Variants in MCC observed in about 807,000 individuals in gnomAD.
MCC encodes the protein colorectal mutant cancer protein.
A neutral mutation model predicts 116.2 loss-of-function variants in MCC; 90 were observed. The ratio of observed to expected loss-of-function variants is 0.77; its 90% CI spans 0.65 to 0.92. The LOEUF (loss-of-function observed/expected upper bound fraction) is 0.92, where lower values mean the gene tolerates loss of function less well. MCC is among the 40% of genes least tolerant of loss of function. The pLI, the probability that MCC is intolerant of heterozygous loss-of-function variation, is 0.00. For missense variants in MCC, 1,516 were observed against 1,312.2 expected (o/e 1.16, Z -2.40); for synonymous variants, 578 against 510.5 (o/e 1.13, Z -1.78).
chr5:113,056,000 A>G (rs866212958), intron 14 of MCC, among the ~76,000 whole-genome samples: 10 of 152,196 alleles, frequency 6.6e-5, no homozygotes, highest in South Asian at 6.2e-4. Context: ...TGCCAGCTCC[A>G]TTATCAAATG....
chr5:113,145,284 G>C (rs1759429482), intron 4 of MCC, among the ~76,000 whole-genome samples: 1 of 152,134 alleles, frequency 6.6e-6, no homozygotes, highest in Non-Finnish European at 1.5e-5. Flanking sequence ...CCAGATCTTA[G>C]TGTGACTGTA....
chr5:113,086,457 C>T (rs142577657), intron 8 of MCC, among the ~76,000 whole-genome samples: 4 of 152,260 alleles, frequency 2.6e-5, no homozygotes, highest in African/African-American at 9.6e-5. Flanking sequence ...CCCAAGTTAC[C>T]TACAGATGAG....
At chr5:113,439,166 G>A (rs1770954169) in intron 1 of MCC, among the ~76,000 whole-genome samples, 1 of 152,236 alleles carries the variant, frequency 6.6e-6, no homozygotes, top group Admixed American at 6.5e-5. Context: ...TTTGGAAAAG[G>A]TATAAGGAGC....
chr5:113,086,780 G>A (rs901294331), intron 8 of MCC, among the ~76,000 whole-genome samples: 40 of 149,570 alleles, frequency 2.7e-4, no homozygotes, highest in Non-Finnish European at 7.4e-5. Flanking sequence ...AGACTTTGTC[G>A]GGCTGGGAAG....
intron 3 of MCC, among the ~76,000 whole-genome samples, chr5:113,264,076 A>G (rs984449924): frequency 6.6e-6 from 1 of 152,228 alleles, no homozygotes; most frequent in Non-Finnish European, 1.5e-5. Context: ...TTTAGAAACA[A>G]AAATTAAGTG....
intron 2 of MCC, among the ~76,000 whole-genome samples, chr5:113,371,044 C>T (rs566492597): frequency 1.3e-5 from 2 of 152,088 alleles, no homozygotes; most frequent in South Asian, 2.1e-4. Context: ...ATGATGAAAC[C>T]CCATCTCTAC....
chr5:113,371,607 G>C (rs1355896324), intron 2 of MCC, among the ~76,000 whole-genome samples: 1 of 152,144 alleles, frequency 6.6e-6, no homozygotes, highest in African/African-American at 2.4e-5. Context: ...TCAACTAGGA[G>C]AAAAATGTTT....
intron 1 of MCC, among the ~76,000 whole-genome samples, chr5:113,450,738 C>T (rs1479682575): frequency 1.3e-5 from 2 of 152,164 alleles, no homozygotes; most frequent in African/African-American, 4.8e-5. Context: ...CATGTACCTA[C>T]GTGCTGAGAA....
chr5:113,094,467 C>G (rs563048574), intron 8 of MCC, among the ~76,000 whole-genome samples: 2 of 149,246 alleles, frequency 1.3e-5, no homozygotes, highest in East Asian at 3.9e-4. Context: ...GTTGCCTAGG[C>G]TGGTGTGCAG....
At chr5:113,099,566 G>A (rs981495166) in intron 8 of MCC, among the ~76,000 whole-genome samples, 1 of 152,226 alleles carries the variant, frequency 6.6e-6, no homozygotes, top group Non-Finnish European at 1.5e-5. Context: ...TGCTTTGGGT[G>A]CTATTATTGT....
intron 1 of MCC, among the ~76,000 whole-genome samples, chr5:113,390,410 T>C (rs962288867): frequency 3.3e-5 from 5 of 152,170 alleles, no homozygotes; most frequent in Admixed American, 3.3e-4. Flanking sequence ...AGTCAGGCAA[T>C]ATTTAGCTCT....
At chr5:113,083,860 T>C (rs1186029748) in intron 10 of MCC, among the ~76,000 whole-genome samples, 2 of 152,194 alleles carry the variant, frequency 1.3e-5, no homozygotes, top group African/African-American at 4.8e-5. Context: ...ATCATTTGTT[T>C]CTGAATGGTT....
At chr5:113,451,236 T>C (rs1454520645) in intron 1 of MCC, among the ~76,000 whole-genome samples, 5 of 152,220 alleles carry the variant, frequency 3.3e-5, no homozygotes, top group African/African-American at 7.2e-5. Flanking sequence ...ACTAGAAAGC[T>C]TTCCCTTGCT....
chr5:113,111,224 G>GGAAAC (rs1156655949), intron 6 of MCC, among the ~76,000 whole-genome samples: 1 of 152,162 alleles, frequency 6.6e-6, no homozygotes, highest in African/African-American at 2.4e-5. Context: ...AGACGAGGAG[G>GGAAAC]GAAACAGGTA....
intron 1 of MCC, among the ~76,000 whole-genome samples, chr5:113,396,595 C>T (rs1769531481): frequency 6.6e-6 from 1 of 152,114 alleles, no homozygotes; most frequent in Non-Finnish European, 1.5e-5. Flanking sequence ...GAGATCGCGC[C>T]TCTGCACTCC....
At chr5:113,448,887 T>A (rs536114383) in intron 1 of MCC, among the ~76,000 whole-genome samples, 1 of 152,364 alleles carries the variant, frequency 6.6e-6, no homozygotes, top group African/African-American at 2.4e-5. Flanking sequence ...ACCTTTTTAA[T>A]CTTGTATTTT....
At chr5:113,126,731 T>G (rs1037412756) in intron 5 of MCC, among the ~76,000 whole-genome samples, 7 of 152,208 alleles carry the variant, frequency 4.6e-5, no homozygotes, top group African/African-American at 1.2e-4. Flanking sequence ...GTCTATGTGT[T>G]AATTGACTGC....
intron 8 of MCC, among the ~76,000 whole-genome samples, chr5:113,098,698 T>C (rs1756200266): frequency 6.6e-6 from 1 of 152,170 alleles, no homozygotes; most frequent in Non-Finnish European, 1.5e-5. Context: ...TGAACAAAGC[T>C]CAGAAGACCT....
intron 3 of MCC, among the ~76,000 whole-genome samples, chr5:113,270,462 C>A (rs2860051): frequency 0.028 from 4,189 of 151,242 alleles, 203 homozygotes; most frequent in African/African-American, 0.096. Context: ...AAAAGAGAAC[C>A]ATACAAAATA....
Sources: gnomAD v4.1 joint callset for allele counts (sites outside exome capture counted in the v4.1 genomes callset) on GRCh38, gnomAD v4.1.1 for gene constraint, MANE v1.5 for transcripts, NCBI Gene and HGNC (gene_info 2026-07-23, HGNC 2026-07-21) for gene names.